Variants in ARL15 observed in about 807,000 individuals in gnomAD.
ARL15 encodes the protein ADP-ribosylation factor-like protein 15.
ARL15 carries 19 observed loss-of-function variants against 25.2 expected under a neutral mutation model. The observed-to-expected ratio is 0.75, with a 90% CI of 0.53 to 1.10. The LOEUF is 1.10. ARL15 is among the 50% of genes least tolerant of loss of function. ARL15 has a pLI of 0.00. For synonymous variants in ARL15, 94 were observed against 86.8 expected, an observed-to-expected ratio of 1.08 and a Z score of -0.46; for missense variants, 220 against 246.0, an observed-to-expected ratio of 0.89 and a Z score of 0.71.
At chr5:53,902,868 A>C (rs1745116989) in intron 4 of ARL15, among the ~76,000 whole-genome samples, 2 of 152,174 alleles carry the variant, frequency 1.3e-5, no homozygotes, top group Admixed American at 6.5e-5. Context: ...TAGGGGAAAG[A>C]GGGGCAGGGA....
chr5:54,180,018 G>GAAAAAA (rs11336058), intron 1 of ARL15, among the ~76,000 whole-genome samples: 4 of 110,042 alleles, frequency 3.6e-5, no homozygotes, highest in African/African-American at 3.5e-5. Context: ...ACTGTCTCGA[G>GAAAAAA]AAAAAAAAAA....
intron 4 of ARL15, chr5:53,887,256 G>A (rs1297176904): frequency 2.7e-5 from 17 of 620,160 alleles, no homozygotes; most frequent in Non-Finnish European, 3.7e-5. Context: ...AGACATGAGA[G>A]CGTGTTTTCT....
chr5:54,289,059 T>G (rs898352159), intron 1 of ARL15, among the ~76,000 whole-genome samples: 1 of 152,188 alleles, frequency 6.6e-6, no homozygotes, highest in Non-Finnish European at 1.5e-5. Flanking sequence ...AGCCCAGGCA[T>G]TGTAACTCCC....
intron 4 of ARL15, among the ~76,000 whole-genome samples, chr5:53,974,713 T>C (rs1414079932): frequency 1.3e-5 from 2 of 152,214 alleles, no homozygotes; most frequent in African/African-American, 2.4e-5. Flanking sequence ...ATCTTAAATG[T>C]CCAATTTATT....
At chr5:54,058,769 C>T (rs1750968232) in intron 4 of ARL15, among the ~76,000 whole-genome samples, 1 of 152,062 alleles carries the variant, frequency 6.6e-6, no homozygotes, top group Admixed American at 6.5e-5. Flanking sequence ...TGCTTTTCCC[C>T]ATGGGAGCCA....
intron 4 of ARL15, among the ~76,000 whole-genome samples, chr5:54,027,041 G>A (rs888390270): frequency 1.3e-5 from 2 of 152,090 alleles, no homozygotes; most frequent in African/African-American, 2.4e-5. Context: ...CCTCACTTGC[G>A]ACTAACTAAA....
intron 4 of ARL15, among the ~76,000 whole-genome samples, chr5:54,038,891 G>A (rs1750250181): frequency 6.6e-6 from 1 of 152,138 alleles, no homozygotes; most frequent in Non-Finnish European, 1.5e-5. Flanking sequence ...TGACACAAAA[G>A]TTAACAGAGT....
intron 4 of ARL15, among the ~76,000 whole-genome samples, chr5:54,071,510 T>TTCCCCCCC (rs1751417503): frequency 3.1e-5 from 2 of 64,050 alleles, no homozygotes; most frequent in African/African-American, 6.9e-5. Context: ...CCACCGCCTT[T>TTCCCCCCC]CCCCCCCCCC....
chr5:54,028,506 T>C (rs992079898), intron 4 of ARL15, among the ~76,000 whole-genome samples: 1 of 92,680 alleles, frequency 1.1e-5, no homozygotes, highest in African/African-American at 3.4e-5. Context: ...TTCTTTTTAG[T>C]AAATTAAAAA....
At chr5:53,893,325 G>A (rs938839796) in intron 4 of ARL15, among the ~76,000 whole-genome samples, 2 of 126,798 alleles carry the variant, frequency 1.6e-5, no homozygotes, top group African/African-American at 2.6e-5. Context: ...GACACATTTA[G>A]GCTGGGCACG....
At chr5:54,093,691 T>TAAAAAAAAAAAAAAAAAAAAAAAAAAA (rs11450435) in intron 4 of ARL15, among the ~76,000 whole-genome samples, 1 of 142,560 alleles carries the variant, frequency 7.0e-6, no homozygotes. Flanking sequence ...CATTTAAAGT[T>TAAAAAAAAAAAAAAAAAAAAAAAAAAA]AAAAAAAAAA....
intron 1 of ARL15, among the ~76,000 whole-genome samples, chr5:54,291,394 C>A (rs250391): frequency 0.73 from 111,763 of 152,078 alleles, 41,660 homozygotes; most frequent in Non-Finnish European, 0.77. Context: ...GTATACTTTA[C>A]ATCATCTCTA....
chr5:54,160,749 C>G (rs1754379682), intron 2 of ARL15, among the ~76,000 whole-genome samples: 1 of 152,090 alleles, frequency 6.6e-6, no homozygotes, highest in African/African-American at 2.4e-5. Context: ...AGTTAATAAA[C>G]CAATAAAGTT....
At chr5:54,142,155 T>C (rs1753798106) in intron 3 of ARL15, among the ~76,000 whole-genome samples, 1 of 152,222 alleles carries the variant, frequency 6.6e-6, no homozygotes, top group Admixed American at 6.5e-5. Flanking sequence ...TTTTACACTT[T>C]CACCAGCTCT....
chr5:53,985,559 G>A (rs559367715), intron 4 of ARL15, among the ~76,000 whole-genome samples: 22 of 152,176 alleles, frequency 1.4e-4, no homozygotes, highest in Admixed American at 1.4e-3. Flanking sequence ...GAATCACAAG[G>A]TATTTCTCTT....
intron 4 of ARL15, among the ~76,000 whole-genome samples, chr5:53,908,356 A>G (rs1745339510): frequency 6.6e-6 from 1 of 152,212 alleles, no homozygotes; most frequent in Non-Finnish European, 1.5e-5. Context: ...CACGTACTGA[A>G]CATGTAATGA....
intron 3 of ARL15, among the ~76,000 whole-genome samples, chr5:54,151,707 C>T (rs951488564): frequency 1.3e-5 from 2 of 149,926 alleles, no homozygotes; most frequent in Non-Finnish European, 3.0e-5. Context: ...TTTGTGTGTG[C>T]AAACATATAG....
chr5:54,035,102 T>TAA lies in ARL15; in HGVS notation c.462+78098_462+78099dup, dbSNP rs5867912. ...AATATAGCAAATGAAATAGGTTAATTAAAAAAAAACCTGTCAGTTATTTAA... is the reference window on the plus strand; with the variant it reads ...AATATAGCAAATGAAATAGGTTAATTAAAAAAAAAAACCTGTCAGTTATTTAA... On this transcript the variant is annotated intron_variant, in intron 4 of 4. Transcript: ENST00000504924. Among the ~76,000 whole-genome samples, 179 of 151,430 alleles carry TAA rather than the reference T, an allele frequency of 1.2e-3. No homozygotes were observed. The South Asian group carries it at 0.016, about 14-fold the overall frequency.
chr5:54,309,603 C>T (rs1051251147), intron 1 of ARL15, among the ~76,000 whole-genome samples: 3 of 152,188 alleles, frequency 2.0e-5, no homozygotes, highest in Admixed American at 1.3e-4. Flanking sequence ...GAACACAAGT[C>T]TCTGTAAATG....
Sources: allele counts gnomAD v4.1 joint callset (sites outside exome capture counted in the v4.1 genomes callset), GRCh38; gene constraint gnomAD v4.1.1; transcripts MANE v1.5; gene names NCBI Gene and HGNC (gene_info 2026-07-23, HGNC 2026-07-21).